Variants in UNC13C observed in about 807,000 individuals in gnomAD.
UNC13C encodes protein unc-13 homolog C.
UNC13C carries 174 observed loss-of-function variants against 245.4 expected under a neutral mutation model. The ratio of observed to expected loss-of-function variants is 0.71; its 90% CI spans 0.63 to 0.80. UNC13C has a LOEUF of 0.80. UNC13C is among the 30% of genes least tolerant of loss of function. The probability of loss-of-function intolerance (pLI) is 0.00; values close to 1 mark genes in which losing one functional copy is unlikely to be tolerated. For synonymous variants in UNC13C, 992 were observed against 895.1 expected, an observed-to-expected ratio of 1.11 and a Z score of -1.93; for missense variants, 2,829 against 2,602.9, an observed-to-expected ratio of 1.09 and a Z score of -1.89.
the UNC13C span, among the ~76,000 whole-genome samples, chr15:53,918,931 A>C: frequency 1.3e-5 from 2 of 152,210 alleles, no homozygotes; most frequent in Admixed American, 1.3e-4. Flanking sequence ...ATATGCTTTC[A>C]TGGCTCTGCA....
intron 2 of UNC13C, among the ~76,000 whole-genome samples, chr15:54,038,122 A>AAATTTTTTTTTTTTTTT (rs1896658005): frequency 6.0e-5 from 3 of 50,248 alleles, no homozygotes; most frequent in African/African-American, 2.8e-4. Flanking sequence ...ATATATATAT[A>AAATTTTTTTTTTTTTTT]TATTTTTTTT....
intron 7 of UNC13C, among the ~76,000 whole-genome samples, chr15:54,243,860 A>G (rs977591073): frequency 5.9e-5 from 9 of 152,082 alleles, no homozygotes; most frequent in Non-Finnish European, 7.4e-5. Flanking sequence ...TAAGTTCCTT[A>G]TAGATCTTGG....
chr15:54,213,430 T>A (rs963968807), intron 4 of UNC13C, among the ~76,000 whole-genome samples: 27 of 152,012 alleles, frequency 1.8e-4, no homozygotes, highest in African/African-American at 5.3e-4. Context: ...TTTAGCACAA[T>A]TTTTAATGTG....
chr15:54,253,982 C>A (rs1020943673), intron 8 of UNC13C, among the ~76,000 whole-genome samples: 9 of 152,150 alleles, frequency 5.9e-5, no homozygotes, highest in African/African-American at 2.2e-4. Context: ...TGCATAAGGC[C>A]AGAAAATATT....
At chr15:53,892,472 T>G in the UNC13C span, among the ~76,000 whole-genome samples, 4 of 152,218 alleles carry the variant, frequency 2.6e-5, no homozygotes, top group Admixed American at 2.6e-4. Context: ...AAGAGTGTTT[T>G]CCAGCTTGGT....
At chr15:54,200,278 C>T (rs761662975) in intron 4 of UNC13C, among the ~76,000 whole-genome samples, 68 of 151,978 alleles carry the variant, frequency 4.5e-4, no homozygotes, top group African/African-American at 1.3e-3. Flanking sequence ...GTCATCAAGA[C>T]GGAAACTCAG....
chr15:54,534,284 A>G (rs62022423), intron 26 of UNC13C, among the ~76,000 whole-genome samples: 15,140 of 152,084 alleles, frequency 0.1, 976 homozygotes, highest in African/African-American at 0.17. Flanking sequence ...CAGGGTTAGG[A>G]CATGCAATCC....
chr15:53,933,709 C>T, the UNC13C span, among the ~76,000 whole-genome samples: 4 of 152,272 alleles, frequency 2.6e-5, no homozygotes, highest in South Asian at 2.1e-4. Flanking sequence ...CCTTTGCTCC[C>T]TCTGTTTTCT....
chr15:54,277,410 C>A (rs186670434), intron 10 of UNC13C, among the ~76,000 whole-genome samples: 1 of 152,208 alleles, frequency 6.6e-6, no homozygotes, highest in African/African-American at 2.4e-5. Context: ...CATCTTTTTT[C>A]ACCCTGTCCT....
chr15:54,143,489 C>A (rs1313792427), intron 3 of UNC13C, 131 bp from the exon 4 acceptor site: 1 of 644,626 alleles, frequency 1.6e-6, no homozygotes, highest in Non-Finnish European at 2.7e-6. Flanking sequence ...TTGGAGCTGA[C>A]CCTGCTTAGC....
chr15:54,564,557 C>A (rs1406536067), intron 29 of UNC13C, among the ~76,000 whole-genome samples: 1 of 151,998 alleles, frequency 6.6e-6, no homozygotes, highest in African/African-American at 2.4e-5. Flanking sequence ...TTACCTTCTC[C>A]TATGAAGCTT....
intron 19 of UNC13C, among the ~76,000 whole-genome samples, chr15:54,493,831 C>G (rs886871591): frequency 6.6e-6 from 1 of 152,024 alleles, no homozygotes; most frequent in African/African-American, 2.4e-5. Context: ...TCTCTATTCC[C>G]CAGCCCTGTA....
intron 10 of UNC13C, among the ~76,000 whole-genome samples, chr15:54,283,327 A>G (rs2037048596): frequency 6.6e-6 from 1 of 152,198 alleles, no homozygotes; most frequent in Non-Finnish European, 1.5e-5. Flanking sequence ...ATACACACAC[A>G]GAGACATAAA....
chr15:53,901,314 G>C, the UNC13C span, among the ~76,000 whole-genome samples: 2 of 151,314 alleles, frequency 1.3e-5, no homozygotes, highest in African/African-American at 4.9e-5. Context: ...CCACCTCCCG[G>C]GTTCATGCCA....
chr15:54,186,678 C>T (rs2033994961), intron 4 of UNC13C, among the ~76,000 whole-genome samples: 1 of 151,446 alleles, frequency 6.6e-6, no homozygotes, highest in Admixed American at 6.6e-5. Context: ...GGATCAATAC[C>T]CACTCCATGT....
intron 10 of UNC13C, among the ~76,000 whole-genome samples, chr15:54,286,803 AAC>A (rs2037161988): frequency 6.6e-6 from 1 of 152,180 alleles, no homozygotes; most frequent in South Asian, 2.1e-4. Context: ...ATCAAAACAA[AAC>A]ACAGACACAC....
chr15:53,846,723 A>T, the UNC13C span, among the ~76,000 whole-genome samples: 1 of 152,206 alleles, frequency 6.6e-6, no homozygotes, highest in African/African-American at 2.4e-5. Context: ...TATAGAAGAG[A>T]TACTTCATAT....
chr15:54,287,910 G>A (rs955124955), intron 10 of UNC13C, among the ~76,000 whole-genome samples: 1 of 152,092 alleles, frequency 6.6e-6, no homozygotes, highest in South Asian at 2.1e-4. Flanking sequence ...TCCTTTCAAT[G>A]TAGGTAATCT....
At chr15:54,312,245 T>C (rs2037893259) in intron 13 of UNC13C, among the ~76,000 whole-genome samples, 1 of 151,656 alleles carries the variant, frequency 6.6e-6, no homozygotes. Context: ...TGTGTTGAAA[T>C]AGTGAAATGT....
Sources: allele counts gnomAD v4.1 joint callset (sites outside exome capture counted in the v4.1 genomes callset), GRCh38; gene constraint gnomAD v4.1.1; transcripts MANE v1.5; gene names NCBI Gene and HGNC (gene_info 2026-07-23, HGNC 2026-07-21).